The following WSCD2 variants were observed in gnomAD, a reference collection of about 807,000 sequenced individuals.
WSCD2 encodes WSC domain sialate O sulfotransferase 2.
Under a neutral mutation model 55.7 loss-of-function variants are expected in WSCD2, and 28 were observed. The ratio of observed to expected loss-of-function variants is 0.50; its 90% CI spans 0.37 to 0.69. The LOEUF (loss-of-function observed/expected upper bound fraction) is 0.69, where lower values mean the gene tolerates loss of function less well. Among genes scored for constraint, WSCD2 ranks in the 30% least tolerant of loss-of-function variants. WSCD2 has a pLI of 0.00. For missense variants in WSCD2, 616 were observed against 762.1 expected (o/e 0.81, Z 2.26); for synonymous variants, 301 against 301.9 (o/e 1.00, Z 0.03).
chr12:108,213,389 G>A (rs145385099), intron 4 of WSCD2, among the ~76,000 whole-genome samples: 1 of 152,314 alleles, frequency 6.6e-6, no homozygotes, highest in African/African-American at 2.4e-5. Context: ...ACAGCCATGT[G>A]TTCTAATTCA....
rs1555247307 is a variant in WSCD2, at chr12:108,250,171, A to AGTGTGTGTGAGTGT, written c.*1837_*1838insAGTGTGTGTGTGTG. Reference sequence around the variant, plus strand: ...AGGTTCACAAATGGGATGTTTTCCTAGTGTGTGTGTGTGTGTGTGTGTGTG... The same window carrying AGTGTGTGTGAGTGT: ...AGGTTCACAAATGGGATGTTTTCCTAGTGTGTGTGAGTGTGTGTGTGTGTGTGTGTGTGTGTGTG... On this transcript the variant is annotated 3_prime_UTR_variant, in exon 9 of 9. Transcript: ENST00000547525. 108 of 146,602 alleles carry AGTGTGTGTGAGTGT rather than the reference A, an allele frequency of 7.4e-4. 1 individual carries two copies. The highest frequency in any genetic ancestry group is 2.3e-3 in the African/African-American group (92 of 39,324). The allele number at this position is 146,602 out of a possible 1,614,324, so 9.1% of individuals were successfully genotyped here.
chr12:108,228,429 T>C (rs35774673), intron 6 of WSCD2, among the ~76,000 whole-genome samples: 3,291 of 152,284 alleles, frequency 0.022, 50 homozygotes, highest in Non-Finnish European at 0.033. Flanking sequence ...CAAAAGCAAT[T>C]TGTTTTCAGG....
intron 1 of WSCD2, among the ~76,000 whole-genome samples, chr12:108,179,113 C>G (rs1465714742): frequency 6.6e-6 from 1 of 152,150 alleles, no homozygotes; most frequent in East Asian, 1.9e-4. Context: ...CCTCTAATCA[C>G]TTTCACATGG....
At chr12:108,231,562 C>T (rs1187673369) in intron 6 of WSCD2, among the ~76,000 whole-genome samples, 2 of 152,138 alleles carry the variant, frequency 1.3e-5, no homozygotes, top group African/African-American at 4.8e-5. Context: ...AATATCTATG[C>T]CTTTTGAGCA....
Sources: allele counts gnomAD v4.1 joint callset (sites outside exome capture counted in the v4.1 genomes callset), GRCh38; gene constraint gnomAD v4.1.1; transcripts MANE v1.5; gene names NCBI Gene and HGNC (gene_info 2026-07-23, HGNC 2026-07-21).